Variants in NDUFA11 observed in about 807,000 individuals in gnomAD.
The protein encoded by NDUFA11 is NADH:ubiquinone oxidoreductase subunit A11, also known as NADH dehydrogenase [ubiquinone] 1 alpha subcomplex subunit 11.
NDUFA11 carries 14 observed loss-of-function variants against 11.3 expected under a neutral mutation model. The observed-to-expected ratio is 1.24, with a 90% CI of 0.82 to 1.94. The LOEUF is 1.94. Ranked by LOEUF, NDUFA11 falls within the 30% of genes most tolerant of loss-of-function variation. The probability of loss-of-function intolerance (pLI) is 0.00; values close to 1 mark genes in which losing one functional copy is unlikely to be tolerated. For synonymous variants in NDUFA11, 87 were observed against 85.6 expected (o/e 1.02, Z -0.09); for missense variants, 204 against 200.3 (o/e 1.02, Z -0.11).
chr19:5,896,597 C>G lies in NDUFA11; in HGVS notation c.191-22G>C. The G allele has an allele frequency of 6.4e-7, 1 of 1,558,310 alleles. No homozygotes were observed. The highest frequency in any genetic ancestry group is 8.7e-7 in the Non-Finnish European group (1 of 1,151,952). On this transcript the variant is annotated intron_variant, in intron 2 of 3. Coordinates refer to ENST00000308961, the MANE Select transcript of NDUFA11 (RefSeq NM_175614.5). The surrounding 1 kb of genome is among the most constrained non-coding windows in gnomAD (Gnocchi z 5.8). ...GCAGCTGCGGGGTAGACGGGAAGAG[C>G]AAGGGCCTCGAGACGGGCACAGCAG...
At chr19:5,894,585 G>C, downstream of NDUFA11, 5 of 1,458,662 alleles carry the variant, frequency 3.4e-6, no homozygotes, top group Non-Finnish European at 4.6e-6. Flanking sequence ...GTGTGCAGGG[G>C]GCCTTATCTT....
chr19:5,894,837 CA>C lies in NDUFA11; in HGVS notation c.330del (p.Ile110MetfsTer11). On this transcript the variant is annotated frameshift_variant, in exon 4 of 4. Coordinates refer to ENST00000308961, the MANE Select transcript of NDUFA11 (RefSeq NM_175614.5). LOFTEE classifies it low-confidence loss of function (END_TRUNC). ...CCAAAGTACACGCAGGCGGCGGCGCCAATCCCGTAGTTGTGCGCTGTGGGAG... is the reference window on the plus strand; with the variant it reads ...CCAAAGTACACGCAGGCGGCGGCGCCATCCCGTAGTTGTGCGCTGTGGGAG... ...TLGARTHNYGIGAAACVYFGI... is the reference protein window; with the variant it reads ...TLGARTHNYGXGAAACVYFGI... 1 of 1,610,072 alleles carries C rather than the reference CA, an allele frequency of 6.2e-7. No homozygotes were observed. The highest frequency in any genetic ancestry group is 8.5e-7 in the Non-Finnish European group (1 of 1,178,218).
chr19:5,903,593 G>A lies in NDUFA11; in HGVS notation c.97+19C>T. The A allele has an allele frequency of 6.5e-7, 1 of 1,548,496 alleles. No individual in the cohort carries two copies. The highest frequency in any genetic ancestry group is 1.2e-5 in the South Asian group (1 of 84,030). ...CTGCGGCCTCGGCCCTCCACCCTCG[G>A]GGCCCGGCCGGCGCTCACCAGCGAC... On this transcript the variant is annotated intron_variant, in intron 1 of 3. Coordinates refer to ENST00000308961, the MANE Select transcript of NDUFA11 (RefSeq NM_175614.5).
Position 5,903,671 on chromosome 19 carries a change from G to A in NDUFA11, c.38C>T (p.Pro13Leu). 5 of 1,551,538 alleles carry A rather than the reference G, an allele frequency of 3.2e-6. No homozygotes were observed. Among genetic ancestry groups the A allele is most frequent in the Non-Finnish European group, 4.4e-6 (5 of 1,146,928 alleles). Residue 13 changes from proline to leucine, a missense_variant, in exon 1 of 4, where the codon CCC (proline) becomes CTC (leucine). By Grantham distance (98) the Pro-to-Leu change is moderately conservative. Coordinates refer to ENST00000308961, the MANE Select transcript of NDUFA11 (RefSeq NM_175614.5). ...TTTGCGGTGGCAATCGGTGCCATCG[G>A]GGATATCCCAGTACTGACGAAAAAC... ...PKVFRQYWDIPDGTDCHRKAY... is the reference protein window; with the variant it reads ...PKVFRQYWDILDGTDCHRKAY...
chr19:5,898,916 C>T (rs1325960896), intron 1 of NDUFA11, among the ~76,000 whole-genome samples: 1 of 150,464 alleles, frequency 6.6e-6, no homozygotes, highest in African/African-American at 2.4e-5. Flanking sequence ...GTGGATGGAG[C>T]GGAGTGCCAG....
chr19:5,895,206 T>G, intron 3 of NDUFA11: 1 of 286,612 alleles, frequency 3.5e-6, no homozygotes, highest in Non-Finnish European at 6.7e-6. Context: ...GTCTCTCCTT[T>G]GCCCATGGAT....
intron 1 of NDUFA11, among the ~76,000 whole-genome samples, chr19:5,900,310 A>G (rs1420890438): frequency 1.3e-5 from 2 of 152,148 alleles, no homozygotes; most frequent in Non-Finnish European, 2.9e-5. Flanking sequence ...TTCATTCACA[A>G]AGTTACCGAG....
At position 5,903,751 on chromosome 19, in the gene NDUFA11, G is replaced by C. The variant is rs377245940; in HGVS notation, c.-43C>G. On this transcript the variant is annotated 5_prime_UTR_variant, in exon 1 of 4. Coordinates refer to ENST00000308961, the MANE Select transcript of NDUFA11 (RefSeq NM_175614.5). Reference sequence around the variant, plus strand: ...CCGCACCACGGACCCCGCCAGCTCGGGAAGCGCAAGGGCAGCCGCGGCTGG... The same window carrying C: ...CCGCACCACGGACCCCGCCAGCTCGCGAAGCGCAAGGGCAGCCGCGGCTGG... The C allele has an allele frequency of 6.5e-7, 1 of 1,541,034 alleles. No homozygotes were observed. Among genetic ancestry groups the C allele is most frequent in the South Asian group, 1.2e-5 (1 of 83,842 alleles).
intron 1 of NDUFA11, among the ~76,000 whole-genome samples, chr19:5,901,857 G>C (rs895318042): frequency 4.0e-5 from 6 of 151,848 alleles, no homozygotes; most frequent in African/African-American, 1.5e-4. Flanking sequence ...ATTTTTAGTA[G>C]AGACGGGTTT....
chr19:5,903,677 T>G lies in NDUFA11; in HGVS notation c.32A>C (p.Asp11Ala), dbSNP rs1160825293. 3.2e-6 allele frequency: 5 copies of G among 1,551,510 alleles called. No individual in the cohort carries two copies. The highest frequency in any genetic ancestry group is 4.9e-5 in the East Asian group (2 of 40,918). The change falls in exon 1 of 4, where the codon GAT becomes GCT. Residue 11 changes from aspartate (D) to alanine (A), a missense_variant. Coordinates refer to ENST00000308961, the MANE Select transcript of NDUFA11 (RefSeq NM_175614.5). ...GTGGCAATCGGTGCCATCGGGGATA[T>G]CCCAGTACTGACGAAAAACCTTCGG... MAPKVFRQYWDIPDGTDCHRK... is the reference protein window; with the variant it reads MAPKVFRQYWAIPDGTDCHRK...
downstream of NDUFA11, chr19:5,891,388 T>G (rs1244191732): frequency 1.3e-5 from 2 of 152,160 alleles, no homozygotes; most frequent in African/African-American, 2.4e-5. Flanking sequence ...GCCTCCCAAG[T>G]AGCTGGGATT....
downstream of NDUFA11, chr19:5,893,132 CAG>C (rs1268223931): frequency 2.5e-5 from 38 of 1,535,962 alleles, no homozygotes; most frequent in African/African-American, 1.6e-4. This position sits in a 1 kb window ranked among gnomAD's most constrained non-coding sequence, Gnocchi z 4.1. Context: ...GTGCTCTCTC[CAG>C]AGAGGACTTC....
In NDUFA11 at chr19:5,894,687, C is replaced by G. The variant is rs771648754; in HGVS notation, c.*55G>C. 2 of 1,589,916 alleles carry G rather than the reference C, an allele frequency of 1.3e-6. No homozygotes were observed. Among genetic ancestry groups the G allele is most frequent in the Middle Eastern group, 1.7e-4 (1 of 6,034 alleles). On this transcript the variant is annotated 3_prime_UTR_variant, in exon 4 of 4. Coordinates refer to ENST00000308961, the MANE Select transcript of NDUFA11 (RefSeq NM_175614.5). Reference sequence around the variant, plus strand: ...CCGGACACTGACACACACACAGACACAGAATTTATTTCTGGACGCATTCTG... The same window carrying G: ...CCGGACACTGACACACACACAGACAGAGAATTTATTTCTGGACGCATTCTG...
downstream of NDUFA11, among the ~76,000 whole-genome samples, chr19:5,893,597 A>G (rs930980392): frequency 1.3e-5 from 2 of 152,012 alleles, no homozygotes; most frequent in Non-Finnish European, 2.9e-5. The surrounding 1 kb of genome is among the most constrained non-coding windows in gnomAD (Gnocchi z 4.1). Flanking sequence ...CACCAGGCCC[A>G]GCCTACAACA....
intron 1 of NDUFA11, among the ~76,000 whole-genome samples, chr19:5,900,910 C>CAAAAAAAAAAAAAA (rs1305134254): frequency 3.9e-5 from 2 of 51,550 alleles, no homozygotes. Flanking sequence ...GACTCCGTCT[C>CAAAAAAAAAAAAAA]AAAAAAAAAA....
Position 5,896,609 on chromosome 19 carries a change from G to A in NDUFA11, c.191-34C>T. On this transcript the variant is annotated intron_variant, in intron 2 of 3. Coordinates refer to ENST00000308961, the MANE Select transcript of NDUFA11 (RefSeq NM_175614.5). The surrounding 1 kb of genome is among the most constrained non-coding windows in gnomAD (Gnocchi z 5.8). ...TAGACGGGAAGAGCAAGGGCCTCGAGACGGGCACAGCAGGAGCCTCTTGGG... is the reference window on the plus strand; with the variant it reads ...TAGACGGGAAGAGCAAGGGCCTCGAAACGGGCACAGCAGGAGCCTCTTGGG... The A allele has an allele frequency of 6.4e-7, 1 of 1,555,426 alleles. No homozygotes were observed.
chr19:5,893,295 AAAAAAT>A (rs1451691303), downstream of NDUFA11: 21 of 1,147,030 alleles, frequency 1.8e-5, no homozygotes, highest in East Asian at 5.1e-4. The surrounding 1 kb of genome is among the most constrained non-coding windows in gnomAD (Gnocchi z 4.1). Flanking sequence ...CTGTCTCTAC[AAAAAAT>A]AAAAATAAAA....
In NDUFA11 at chr19:5,901,383, G is replaced by A. The variant is rs751470105; in HGVS notation, c.97+2229C>T. 1.4e-5 allele frequency: 18 copies of A among 1,287,122 alleles called. No individual in the cohort carries two copies. In the East Asian group the frequency reaches 2.2e-4, roughly 16 times the overall value. The allele number at this position is 1,287,122 out of a possible 1,614,324, so 79.7% of individuals were successfully genotyped here. On this transcript the variant is annotated intron_variant, in intron 1 of 3. Coordinates refer to ENST00000308961, the MANE Select transcript of NDUFA11 (RefSeq NM_175614.5). ...AGAGACCCCTAGGAGCAGGTCAGCC[G>A]ACCTGGACTTGCAGCCCAGCTTCAA...
chr19:5,901,234 T>C (rs1411383928), intron 1 of NDUFA11: 1 of 1,103,984 alleles, frequency 9.1e-7, no homozygotes, highest in Non-Finnish European at 1.2e-6. Context: ...ATGCACACAC[T>C]CTCTCACATG....
Sources: gnomAD v4.1 joint callset for allele counts (sites outside exome capture counted in the v4.1 genomes callset) on GRCh38, gnomAD v4.1.1 for gene constraint, Gnocchi (gnomAD v3.1) non-coding constraint, MANE v1.5 for transcripts, NCBI Gene and HGNC (gene_info 2026-07-23, HGNC 2026-07-21) for gene names.